Variants in KAZN observed in about 807,000 individuals in gnomAD.
KAZN encodes kazrin.
Under a neutral mutation model 87.4 loss-of-function variants are expected in KAZN, and 40 were observed. The observed-to-expected ratio is 0.46, with a 90% CI of 0.36 to 0.60. The LOEUF (loss-of-function observed/expected upper bound fraction) is 0.60, where lower values mean the gene tolerates loss of function less well. KAZN is among the 20% of genes least tolerant of loss of function. The pLI, the probability that KAZN is intolerant of heterozygous loss-of-function variation, is 0.00. For missense variants in KAZN, 898 were observed against 1,073.9 expected, an observed-to-expected ratio of 0.84 and a Z score of 2.29; for synonymous variants, 466 against 458.3, an observed-to-expected ratio of 1.02 and a Z score of -0.22.
chr1:14,072,061 T>A (rs1643267819), intron 1 of KAZN, among the ~76,000 whole-genome samples: 1 of 152,218 alleles, frequency 6.6e-6, no homozygotes, highest in Non-Finnish European at 1.5e-5. Flanking sequence ...GTTCTAACTT[T>A]GCTAACTTAA....
intron 6 of KAZN, 36 bp downstream of exon 6, chr1:15,060,338 C>G (rs1346905923): frequency 1.2e-6 from 2 of 1,612,706 alleles, no homozygotes; most frequent in Non-Finnish European, 1.7e-6. Context: ...GGCCCCTGGG[C>G]CCTGCCCAGA....
intron 1 of KAZN, among the ~76,000 whole-genome samples, chr1:13,943,622 A>G (rs1400631720): frequency 6.6e-6 from 1 of 152,132 alleles, no homozygotes; most frequent in Non-Finnish European, 1.5e-5. Flanking sequence ...AAGAAACATG[A>G]TCCCAGAAGG....
At position 14,769,963 on chromosome 1, in the gene KAZN, A is replaced by C. The variant is rs1644979461; in HGVS notation, c.226+170740A>C. Among the ~76,000 whole-genome samples, 1 of 152,168 alleles carries C rather than the reference A, an allele frequency of 6.6e-6. No individual in the cohort carries two copies. The highest frequency in any genetic ancestry group is 1.9e-4 in the East Asian group (1 of 5,180). On this transcript the variant is annotated intron_variant, in intron 1 of 14. Transcript: ENST00000376030. This position sits in a 1 kb window ranked among gnomAD's most constrained non-coding sequence, Gnocchi z 4.1. The stretch of plus-strand genomic sequence containing the variant: ...CTCTGAGCAGGTGATGGGTAAACTG[A>C]ACCCTGGAGGTTGAGCAGGGATAAA...
intron 1 of KAZN, among the ~76,000 whole-genome samples, chr1:14,714,797 G>GTTT (rs537512664): frequency 0.025 from 3,063 of 120,498 alleles, 200 homozygotes; most frequent in African/African-American, 0.092. Context: ...TTTTTTTTTT[G>GTTT]TTTTTTTTTT....
intron 2 of KAZN, among the ~76,000 whole-genome samples, chr1:14,533,576 A>T (rs991423628): frequency 3.9e-5 from 6 of 152,164 alleles, no homozygotes; most frequent in African/African-American, 1.2e-4. Context: ...CCCACATCAC[A>T]GTCTAGCAGA....
chr1:14,670,247 G>A (rs1279913347), intron 1 of KAZN, among the ~76,000 whole-genome samples: 1 of 152,060 alleles, frequency 6.6e-6, no homozygotes, highest in Non-Finnish European at 1.5e-5. Flanking sequence ...CCCCAGAGGT[G>A]CAAGCCCACC....
chr1:14,037,176 C>T (rs1040394785), intron 1 of KAZN, among the ~76,000 whole-genome samples: 9 of 152,148 alleles, frequency 5.9e-5, no homozygotes, highest in Admixed American at 4.6e-4. Flanking sequence ...CATCATAGAC[C>T]TCTCTCCATG....
intron 11 of KAZN, among the ~76,000 whole-genome samples, chr1:15,102,598 A>C (rs59746931): frequency 0.068 from 10,351 of 152,214 alleles, 409 homozygotes; most frequent in African/African-American, 0.11. Flanking sequence ...TCAGGGTCAG[A>C]AGAGGGACAG....
At chr1:14,213,287 T>A (rs560285) in intron 2 of KAZN, among the ~76,000 whole-genome samples, 71,256 of 151,936 alleles carry the variant, frequency 0.47, 17,997 homozygotes, top group Non-Finnish European at 0.57. Context: ...TCATGCAGAG[T>A]CCTTCTCTCG....
intron 8 of KAZN, among the ~76,000 whole-genome samples, chr1:15,075,710 T>A (rs764344956): frequency 1.3e-5 from 2 of 152,130 alleles, no homozygotes; most frequent in Non-Finnish European, 2.9e-5. Flanking sequence ...TCCACTTTGC[T>A]AAGAAAGGAC....
chr1:14,013,177 A>C (rs9726613), intron 1 of KAZN, among the ~76,000 whole-genome samples: 4,050 of 152,272 alleles, frequency 0.027, 165 homozygotes, highest in African/African-American at 0.086. Flanking sequence ...CAGACTCCTC[A>C]TTAGCCTGGT....
chr1:14,772,046 T>C (rs1557473075), intron 1 of KAZN, among the ~76,000 whole-genome samples: 1 of 151,980 alleles, frequency 6.6e-6, no homozygotes, highest in Non-Finnish European at 1.5e-5. Flanking sequence ...GACAAAAAAA[T>C]TTAATCTGGT....
intron 1 of KAZN, among the ~76,000 whole-genome samples, chr1:14,057,203 C>T (rs113298473): frequency 0.027 from 4,042 of 151,082 alleles, 178 homozygotes; most frequent in African/African-American, 0.093. Flanking sequence ...GGTGCAATCT[C>T]AGCTCACTGC....
rs147780564 is a variant in KAZN at position 14,697,906 on chromosome 1, G to A, written c.226+98683G>A. ...CATTCTAATGTAGCTCTTGCCAAAG[G>A]ATCCAGCAGAGAGGCTGCTTCCCAG... On this transcript the variant is annotated intron_variant, in intron 1 of 14. Coordinates refer to ENST00000376030, the MANE Select transcript of KAZN (RefSeq NM_201628.3). Among the ~76,000 whole-genome samples the A allele has an allele frequency of 1.2e-4, 18 of 152,244 alleles. No individual in the cohort carries two copies. The East Asian group carries it at 3.5e-3, about 29-fold the overall frequency.
intron 2 of KAZN, among the ~76,000 whole-genome samples, chr1:14,549,502 C>G (rs1673369014): frequency 1.3e-5 from 2 of 152,268 alleles, no homozygotes; most frequent in East Asian, 3.9e-4. Context: ...TGGTATTGGC[C>G]AGAGATTACT....
chr1:14,797,702 A>G (rs1210510604), intron 1 of KAZN, among the ~76,000 whole-genome samples: 1 of 152,178 alleles, frequency 6.6e-6, no homozygotes, highest in African/African-American at 2.4e-5. Context: ...AGGAAGATCC[A>G]GGTTCAAATT....
intron 1 of KAZN, among the ~76,000 whole-genome samples, chr1:14,062,118 C>A (rs1405199065): frequency 6.6e-6 from 1 of 152,134 alleles, no homozygotes; most frequent in Non-Finnish European, 1.5e-5. Context: ...AGGAAAAATT[C>A]TATACCAGGA....
intron 3 of KAZN, among the ~76,000 whole-genome samples, chr1:15,038,257 A>C (rs1444376468): frequency 1.3e-5 from 2 of 151,034 alleles, no homozygotes; most frequent in African/African-American, 2.5e-5. Context: ...TTATCTCAAA[A>C]AAAGAAAAGA....
rs114031458 is a variant in KAZN, at chr1:14,614,447, T to C, written c.226+15224T>C. On this transcript the variant is annotated intron_variant, in intron 1 of 14. Transcript: ENST00000376030. The stretch of plus-strand genomic sequence containing the variant: ...TGGAGGGCTCTGCAGGACTTGGGAG[T>C]GAACATTAGAGAGAGGCAGAGGCCA... 9.1e-3 allele frequency among the ~76,000 whole-genome samples: 1,383 copies of C among 152,212 alleles called. 24 individuals carry two copies. Among genetic ancestry groups the C allele is most frequent in the African/African-American group, 0.03 (1,254 of 41,518 alleles).
Sources: gnomAD v4.1 joint callset for allele counts (sites outside exome capture counted in the v4.1 genomes callset) on GRCh38, gnomAD v4.1.1 for gene constraint, Gnocchi (gnomAD v3.1) non-coding constraint, MANE v1.5 for transcripts, NCBI Gene and HGNC (gene_info 2026-07-23, HGNC 2026-07-21) for gene names.